TSHZ3: variants seen among roughly 807,000 people sequenced by gnomAD.
The protein encoded by TSHZ3 is teashirt zinc finger homeobox 3.
A neutral mutation model predicts 64.5 loss-of-function variants in TSHZ3; 10 were observed. The ratio of observed to expected loss-of-function variants is 0.16; its 90% CI spans 0.10 to 0.26. The LOEUF is 0.26. Among genes scored for constraint, TSHZ3 ranks in the 10% least tolerant of loss-of-function variants. The probability of loss-of-function intolerance (pLI) is 1.00; values close to 1 mark genes in which losing one functional copy is unlikely to be tolerated. For synonymous variants in TSHZ3, 608 were observed against 593.1 expected, an observed-to-expected ratio of 1.03 and a Z score of -0.36; for missense variants, 1,242 against 1,421.7, an observed-to-expected ratio of 0.87 and a Z score of 2.03.
At chr19:31,228,496 A>C (rs1214213942) in intron 3 of TSHZ3, among the ~76,000 whole-genome samples, 1 of 149,378 alleles carries the variant, frequency 6.7e-6, no homozygotes, top group Non-Finnish European at 1.5e-5. Context: ...ACTGTACTCC[A>C]GCCTGAGTGA....
At chr19:31,303,161 G>A (rs1976780907) in intron 1 of TSHZ3, among the ~76,000 whole-genome samples, 1 of 152,122 alleles carries the variant, frequency 6.6e-6, no homozygotes, top group African/African-American at 2.4e-5. Context: ...GGTGGCCCAG[G>A]CTAATGGGTG....
intron 1 of TSHZ3, among the ~76,000 whole-genome samples, chr19:31,346,251 C>T (rs868124221): frequency 2.6e-5 from 4 of 152,118 alleles, no homozygotes; most frequent in African/African-American, 9.7e-5. Context: ...GTTATTCTAC[C>T]CTAGACCATT....
chr19:31,309,262 G>T (rs930645156), intron 1 of TSHZ3, among the ~76,000 whole-genome samples: 1 of 152,238 alleles, frequency 6.6e-6, no homozygotes, highest in African/African-American at 2.4e-5. Flanking sequence ...CAGGGTGCGT[G>T]ATGTAAGAGG....
At chr19:31,158,701 G>A (rs1370588831) in intron 5 of TSHZ3, among the ~76,000 whole-genome samples, 1 of 152,170 alleles carries the variant, frequency 6.6e-6, no homozygotes, top group Admixed American at 6.5e-5. Context: ...TGTAGAATCA[G>A]TGGGAGCCCT....
At chr19:31,342,993 T>A (rs117826101) in intron 1 of TSHZ3, among the ~76,000 whole-genome samples, 3,061 of 152,372 alleles carry the variant, frequency 0.02, 65 homozygotes, top group Non-Finnish European at 0.026. Flanking sequence ...TAAGTTAGCA[T>A]CTGCCAGTGC....
intron 5 of TSHZ3, among the ~76,000 whole-genome samples, chr19:31,163,503 G>A: frequency 6.6e-6 from 1 of 152,094 alleles, no homozygotes; most frequent in South Asian, 2.1e-4. Flanking sequence ...AGGCCGAGGT[G>A]GGCGGATCAC....
rs60403284 is a variant in TSHZ3, at chr19:31,250,074, G to A, written n.64-7199C>T. On this transcript the variant is annotated intron_variant and non_coding_transcript_variant, in intron 1 of 6. Transcript: ENST00000651361. ...CGCGCCAGGCACACAGCACATGCCCGGGACACACCTGTCGAGTGAACACAT... is the reference window on the plus strand; with the variant it reads ...CGCGCCAGGCACACAGCACATGCCCAGGACACACCTGTCGAGTGAACACAT... Among the ~76,000 whole-genome samples, 579 of 152,310 alleles carry A rather than the reference G, an allele frequency of 3.8e-3. 3 individuals carry two copies. The highest frequency in any genetic ancestry group is 0.013 in the African/African-American group (560 of 41,550).
chr19:31,305,688 A>C (rs1272895519), intron 1 of TSHZ3: 1 of 152,146 alleles, frequency 6.6e-6, no homozygotes, highest in African/African-American at 2.4e-5. Context: ...AGAGAGGAAA[A>C]CAGCGCCCCT....
intron 4 of TSHZ3, among the ~76,000 whole-genome samples, chr19:31,222,231 C>A (rs1171392539): frequency 3.3e-5 from 5 of 152,138 alleles, no homozygotes; most frequent in Non-Finnish European, 7.4e-5. Context: ...TCACAGAAGA[C>A]TAAATGTAAA....
chr19:31,260,337 G>A (rs1038687204), intron 1 of TSHZ3, among the ~76,000 whole-genome samples: 1 of 152,156 alleles, frequency 6.6e-6, no homozygotes, highest in African/African-American at 2.4e-5. Flanking sequence ...GCCTAACTAA[G>A]TACAGCCAGT....
At chr19:31,158,214 G>A (rs1974330503) in intron 5 of TSHZ3, among the ~76,000 whole-genome samples, 1 of 151,548 alleles carries the variant, frequency 6.6e-6, no homozygotes, top group Admixed American at 6.6e-5. Context: ...CATGTGGCTG[G>A]GACGAAAGAA....
At chr19:31,244,434 A>T (rs1235510907) in intron 1 of TSHZ3, among the ~76,000 whole-genome samples, 1 of 151,984 alleles carries the variant, frequency 6.6e-6, no homozygotes, top group East Asian at 1.9e-4. Context: ...GACCAATTAA[A>T]CCTCTGTCAT....
intron 1 of TSHZ3, among the ~76,000 whole-genome samples, chr19:31,312,717 G>A (rs981380592): frequency 1.3e-5 from 2 of 152,050 alleles, no homozygotes; most frequent in Admixed American, 1.3e-4. Context: ...TGAATCACAC[G>A]GTAATAAATT....
At chr19:31,247,434 A>T (rs976099226) in intron 1 of TSHZ3, among the ~76,000 whole-genome samples, 1 of 152,186 alleles carries the variant, frequency 6.6e-6, no homozygotes, top group Non-Finnish European at 1.5e-5. Flanking sequence ...TGAGTAATGC[A>T]AACCTAATCC....
rs138099485 is a variant in TSHZ3, at chr19:31,204,445, C to A, written n.809+511G>T. ...CTCCCTCTCTCCTTCTTTCTTTCCC[C>A]TTTTTGGGGGAGGGGTGTGGTGGAC... On this transcript the variant is annotated intron_variant and non_coding_transcript_variant, in intron 5 of 6. Coordinates refer to the TSHZ3 transcript ENST00000651361. 1.0e-3 allele frequency among the ~76,000 whole-genome samples: 152 copies of A among 151,644 alleles called. No homozygotes were observed. The East Asian group carries it at 0.024, about 24-fold the overall frequency.
chr19:31,231,494 T>C (rs576975392), intron 3 of TSHZ3, among the ~76,000 whole-genome samples: 3 of 152,338 alleles, frequency 2.0e-5, no homozygotes, highest in South Asian at 2.1e-4. Flanking sequence ...TTTGTGGCAG[T>C]TGCATGATGT....
At chr19:31,231,597 C>T (rs1975540937) in intron 3 of TSHZ3, among the ~76,000 whole-genome samples, 2 of 152,196 alleles carry the variant, frequency 1.3e-5, no homozygotes, top group African/African-American at 4.8e-5. Flanking sequence ...GCACTTCTCA[C>T]TATCTGAGTT....
intron 3 of TSHZ3, among the ~76,000 whole-genome samples, chr19:31,229,500 C>G (rs1179987887): frequency 6.6e-6 from 1 of 151,868 alleles, no homozygotes; most frequent in Non-Finnish European, 1.5e-5. Context: ...AAATGTCAAG[C>G]GGATTATAAA....
At chr19:31,297,357 C>A (rs936767737) in intron 1 of TSHZ3, among the ~76,000 whole-genome samples, 1 of 152,354 alleles carries the variant, frequency 6.6e-6, no homozygotes, top group Admixed American at 6.5e-5. Context: ...GGGCCCCACC[C>A]TTCTGCTGTG....
Sources: allele counts gnomAD v4.1 joint callset (sites outside exome capture counted in the v4.1 genomes callset), GRCh38; gene constraint gnomAD v4.1.1; transcripts MANE v1.5; gene names NCBI Gene and HGNC (gene_info 2026-07-23, HGNC 2026-07-21).